The following DHDH variants were observed in gnomAD, a reference collection of about 807,000 sequenced individuals.
The protein encoded by DHDH is trans-1,2-dihydrobenzene-1,2-diol dehydrogenase.
In DHDH, 29 loss-of-function variants were observed where a neutral mutation model predicts 33.2. The observed-to-expected ratio is 0.87, with a 90% CI of 0.65 to 1.19. The LOEUF is 1.19. DHDH is among the 50% of genes most tolerant of loss of function. The pLI, the probability that DHDH is intolerant of heterozygous loss-of-function variation, is 0.00. For synonymous variants in DHDH, 201 were observed against 187.9 expected (o/e 1.07, Z -0.57); for missense variants, 431 against 455.0 (o/e 0.95, Z 0.48).
chr19:48,933,541 G>A, upstream of DHDH: 1 of 617,166 alleles, frequency 1.6e-6, no homozygotes, highest in East Asian at 2.7e-5. Context: ...GAGCTAAACG[G>A]TGCATTCGCC....
intron 3 of DHDH, 90 bp from the exon 4 acceptor site, chr19:48,939,359 G>T: frequency 2.7e-6 from 4 of 1,457,946 alleles, no homozygotes; most frequent in Non-Finnish European, 3.7e-6. Flanking sequence ...GCTGTGTTTG[G>T]AGACTGGGTT....
chr19:48,936,845 G>A lies in DHDH; in HGVS notation c.366+650G>A, dbSNP rs143932041. On this transcript the variant is annotated intron_variant, in intron 3 of 6. Transcript: ENST00000221403. ...CCCTACAAACCTGCAGTGCAGTGGCGCGATCTCGGCTCACTGCAACCTCCA... is the reference window on the plus strand; with the variant it reads ...CCCTACAAACCTGCAGTGCAGTGGCACGATCTCGGCTCACTGCAACCTCCA... Among the ~76,000 whole-genome samples the A allele has an allele frequency of 1.1e-3, 167 of 151,700 alleles. 2 individuals carry two copies. Among genetic ancestry groups the A allele is most frequent in the African/African-American group, 3.3e-3 (135 of 41,442 alleles).
intron 4 of DHDH, among the ~76,000 whole-genome samples, chr19:48,942,027 T>TGTGTGA (rs1491409027): frequency 7.4e-6 from 1 of 134,644 alleles, no homozygotes; most frequent in African/African-American, 2.6e-5. Context: ...TGTGTGTGTG[T>TGTGTGA]GATGGAGTCT....
At chr19:48,943,111 C>T (rs542736443) in intron 5 of DHDH, among the ~76,000 whole-genome samples, 10 of 151,514 alleles carry the variant, frequency 6.6e-5, no homozygotes, top group Non-Finnish European at 1.5e-4. Context: ...GCACGGTGGT[C>T]ACACCTATAA....
At chr19:48,939,855 T>C (rs2037833282) in intron 4 of DHDH, among the ~76,000 whole-genome samples, 154 bp downstream of exon 4, 1 of 152,152 alleles carries the variant, frequency 6.6e-6, no homozygotes, top group South Asian at 2.1e-4. Flanking sequence ...GAGTCAAGAC[T>C]GCAGGTGGGC....
intron 1 of DHDH, among the ~76,000 whole-genome samples, chr19:48,934,211 TAA>T (rs1167411798): frequency 6.6e-6 from 1 of 152,184 alleles, no homozygotes. Flanking sequence ...GTATGCTTGG[TAA>T]AAGTCATCGC....
At chr19:48,942,331 C>A (rs2037875667) in intron 4 of DHDH, 109 bp from the exon 5 acceptor site, 1 of 1,231,230 alleles carries the variant, frequency 8.1e-7, no homozygotes, top group Non-Finnish European at 1.1e-6. Flanking sequence ...CCTTGCCATG[C>A]AAGAAGTGAA....
At chr19:48,940,577 G>A (rs1471277111) in intron 4 of DHDH, among the ~76,000 whole-genome samples, 1 of 151,878 alleles carries the variant, frequency 6.6e-6, no homozygotes, top group Non-Finnish European at 1.5e-5. Flanking sequence ...CTTCAGGCTG[G>A]GCATGGTGGC....
intron 3 of DHDH, among the ~76,000 whole-genome samples, chr19:48,938,571 C>G (rs1193796607): frequency 2.0e-5 from 3 of 152,044 alleles, no homozygotes; most frequent in African/African-American, 7.2e-5. Flanking sequence ...ATGCTCTATA[C>G]CTACATCTAA....
intron 3 of DHDH, among the ~76,000 whole-genome samples, chr19:48,937,414 G>A (rs1286532260): frequency 6.6e-6 from 1 of 152,098 alleles, no homozygotes; most frequent in East Asian, 1.9e-4. Context: ...GGTGGCTCAC[G>A]CCTGTAATCC....
chr19:48,933,625 G>T (rs2037731967), upstream of DHDH: 3 of 1,143,282 alleles, frequency 2.6e-6, no homozygotes, highest in Non-Finnish European at 3.9e-6. Context: ...CGCAATACGG[G>T]CGGAGGATGG....
chr19:48,938,498 T>C (rs2037811460), intron 3 of DHDH, among the ~76,000 whole-genome samples: 2 of 152,176 alleles, frequency 1.3e-5, no homozygotes, highest in African/African-American at 4.8e-5. Context: ...TCTGTATCTA[T>C]ATGCCTCCTT....
rs369367057 is a variant in DHDH at position 48,938,795 on chromosome 19, G to A, written c.367-654G>A. Among the ~76,000 whole-genome samples, 634 of 152,074 alleles carry A rather than the reference G, an allele frequency of 4.2e-3. 2 individuals carry two copies. The highest frequency in any genetic ancestry group is 0.01 in the Middle Eastern group (3 of 294). The stretch of plus-strand genomic sequence containing the variant: ...CGAGTAGCTGGGACTACAGGCGTGC[G>A]CCATCACGCCCAGCTAAAATTTTTT... On this transcript the variant is annotated intron_variant, in intron 3 of 6. Coordinates refer to ENST00000221403, the MANE Select transcript of DHDH (RefSeq NM_014475.4).
intron 5 of DHDH, among the ~76,000 whole-genome samples, chr19:48,944,109 A>C (rs972413732): frequency 6.6e-6 from 1 of 152,034 alleles, no homozygotes; most frequent in Non-Finnish European, 1.5e-5. Context: ...CTAAGCTCCT[A>C]AGGTTAGGGA....
chr19:48,936,447 A>C (rs569634347), intron 3 of DHDH, among the ~76,000 whole-genome samples: 108 of 152,218 alleles, frequency 7.1e-4, no homozygotes, highest in Non-Finnish European at 1.3e-3. Context: ...CTGTAATCCC[A>C]GCACTTTGGG....
chr19:48,944,370 G>C lies in DHDH; in HGVS notation c.758G>C (p.Cys253Ser), dbSNP rs147142942. The change falls in exon 6 of 7, where the codon TGC becomes TCC. Residue 253 changes from cysteine (C) to serine (S), a missense_variant. By Grantham distance (112) the Cys-to-Ser change is moderately radical. Coordinates refer to ENST00000221403, the MANE Select transcript of DHDH (RefSeq NM_014475.4). Reference sequence around the variant, plus strand: ...CTCTCCCTCCAGCTCCTCAACCCCTGCTGGTGCCCGACCGAGCTGGTGGTG... The same window carrying C: ...CTCTCCCTCCAGCTCCTCAACCCCTCCTGGTGCCCGACCGAGCTGGTGGTG... ...TKGMVQLLNP[C>S]WCPTELVVKG... 2.5e-6 allele frequency: 4 copies of C among 1,613,986 alleles called. No homozygotes were observed. The highest frequency in any genetic ancestry group is 3.4e-6 in the Non-Finnish European group (4 of 1,180,010).
intron 3 of DHDH, among the ~76,000 whole-genome samples, chr19:48,938,552 C>G (rs772262561): frequency 1.2e-4 from 19 of 152,110 alleles, no homozygotes; most frequent in Non-Finnish European, 2.1e-4. Context: ...CTTAAACCCA[C>G]TGGCCTGCAT....
chr19:48,937,772 A>T (rs1206899556), intron 3 of DHDH, among the ~76,000 whole-genome samples: 1 of 149,884 alleles, frequency 6.7e-6, no homozygotes, highest in Non-Finnish European at 1.5e-5. Flanking sequence ...AGATCCCGAC[A>T]CTGCACTCCA....
At chr19:48,944,534 C>T (rs371401128) in intron 6 of DHDH, 27 bp downstream of exon 6, 80 of 1,565,838 alleles carry the variant, frequency 5.1e-5, no homozygotes, top group African/African-American at 5.0e-4. Flanking sequence ...GGGGCAGGCG[C>T]CAGGCCTGGT....
Sources: allele counts gnomAD v4.1 joint callset (sites outside exome capture counted in the v4.1 genomes callset), GRCh38; gene constraint gnomAD v4.1.1; transcripts MANE v1.5; gene names NCBI Gene and HGNC (gene_info 2026-07-23, HGNC 2026-07-21).